PDE10A: variants seen among roughly 807,000 people sequenced by gnomAD.
PDE10A encodes the protein phosphodiesterase 10A, also known as cAMP and cAMP-inhibited cGMP 3',5'-cyclic phosphodiesterase 10A.
Under a neutral mutation model 97.7 loss-of-function variants are expected in PDE10A, and 39 were observed. The observed-to-expected ratio is 0.40, with a 90% CI of 0.31 to 0.52. PDE10A has a LOEUF of 0.52. Ranked by LOEUF, PDE10A falls within the 20% of genes least tolerant of loss-of-function variation. The probability of loss-of-function intolerance (pLI) is 0.56; values close to 1 mark genes in which losing one functional copy is unlikely to be tolerated. For synonymous variants in PDE10A, 371 were observed against 376.8 expected (o/e 0.98, Z 0.18); for missense variants, 731 against 1,047.8 (o/e 0.70, Z 4.17).
chr6:165,593,309 G>GT (rs965485203), intron 1 of PDE10A, among the ~76,000 whole-genome samples: 1 of 152,144 alleles, frequency 6.6e-6, no homozygotes, highest in African/African-American at 2.4e-5. Context: ...TGGGGTGGGG[G>GT]TTAAGGGAGA....
intron 3 of PDE10A, among the ~76,000 whole-genome samples, chr6:165,456,173 C>A (rs1388045270): frequency 6.6e-6 from 1 of 152,100 alleles, no homozygotes; most frequent in African/African-American, 2.4e-5. Flanking sequence ...TTCTTTACCC[C>A]ACAGTCTTTA....
At chr6:165,857,279 A>G (rs1332829546) in intron 1 of PDE10A, among the ~76,000 whole-genome samples, 1 of 152,150 alleles carries the variant, frequency 6.6e-6, no homozygotes, top group Non-Finnish European at 1.5e-5. Context: ...TTTGACCCGG[A>G]CCTGAACCCC....
At chr6:165,610,547 A>G (rs1032565442) in intron 1 of PDE10A, among the ~76,000 whole-genome samples, 11 of 151,952 alleles carry the variant, frequency 7.2e-5, no homozygotes, top group Middle Eastern at 3.4e-3. Context: ...AAAAAAAAAA[A>G]AAGAAAGAAA....
chr6:165,402,152 A>C (rs2128221205), intron 13 of PDE10A, among the ~76,000 whole-genome samples: 1 of 152,278 alleles, frequency 6.6e-6, no homozygotes, highest in South Asian at 2.1e-4. Flanking sequence ...AACTTCTACA[A>C]GATAGTTATT....
intron 1 of PDE10A, among the ~76,000 whole-genome samples, chr6:165,758,569 A>G (rs559395495): frequency 1.2e-4 from 18 of 151,034 alleles, no homozygotes; most frequent in East Asian, 3.9e-4. Context: ...AAGAGGAAGA[A>G]GAAGAGGAAG....
At chr6:165,433,973 A>C (rs1367353061) in intron 6 of PDE10A, among the ~76,000 whole-genome samples, 1 of 144,422 alleles carries the variant, frequency 6.9e-6, no homozygotes, top group African/African-American at 2.7e-5. Flanking sequence ...GCCGAGATCA[A>C]GCCACTGCAC....
chr6:165,491,826 C>T (rs564328238), intron 2 of PDE10A, among the ~76,000 whole-genome samples: 1 of 151,792 alleles, frequency 6.6e-6, no homozygotes, highest in East Asian at 1.9e-4. Flanking sequence ...CAAAACAAAC[C>T]CAAACCCAGC....
chr6:165,479,486 T>C (rs1366951610), intron 3 of PDE10A, among the ~76,000 whole-genome samples: 2 of 152,204 alleles, frequency 1.3e-5, no homozygotes, highest in African/African-American at 4.8e-5. Flanking sequence ...ATTTCACTTA[T>C]GAAATTAACC....
chr6:165,336,591 T>C (rs1781663328), intron 20 of PDE10A, among the ~76,000 whole-genome samples: 1 of 146,912 alleles, frequency 6.8e-6, no homozygotes, highest in South Asian at 2.2e-4. Flanking sequence ...CTACTAAAAA[T>C]ACAAAAAATT....
chr6:165,940,285 T>A (rs1031732069), intron 1 of PDE10A: 1 of 152,268 alleles, frequency 6.6e-6, no homozygotes, highest in African/African-American at 2.4e-5. Flanking sequence ...CAGACAGGGT[T>A]GGCCCAAATA....
chr6:165,958,507 AAG>A (rs1338438838), intron 1 of PDE10A, among the ~76,000 whole-genome samples: 1 of 8,316 alleles, frequency 1.2e-4, no homozygotes, highest in Non-Finnish European at 2.0e-4. Context: ...ACAAGAAAGA[AAG>A]AAAGAAAGAA....
At chr6:165,798,646 A>T (rs1408268026) in intron 1 of PDE10A, among the ~76,000 whole-genome samples, 1 of 152,140 alleles carries the variant, frequency 6.6e-6, no homozygotes, top group Non-Finnish European at 1.5e-5. Context: ...AAAAATCTGG[A>T]AATCTTCACA....
chr6:165,405,228 G>T (rs1240291381), intron 13 of PDE10A, among the ~76,000 whole-genome samples: 2 of 152,128 alleles, frequency 1.3e-5, no homozygotes, highest in African/African-American at 2.4e-5. Flanking sequence ...GTGTCCTAAG[G>T]TAGGAATACT....
chr6:165,643,792 G>T (rs901727044), intron 1 of PDE10A, among the ~76,000 whole-genome samples: 1 of 152,050 alleles, frequency 6.6e-6, no homozygotes, highest in Non-Finnish European at 1.5e-5. Context: ...TGGTTACCAT[G>T]GTTAATAATG....
intron 13 of PDE10A, among the ~76,000 whole-genome samples, chr6:165,400,250 A>G (rs1054274446): frequency 6.6e-6 from 1 of 152,050 alleles, no homozygotes; most frequent in Non-Finnish European, 1.5e-5. Flanking sequence ...AAAAAAAAAC[A>G]GAGGAGAAAT....
At chr6:165,777,152 C>T (rs1240492104) in intron 1 of PDE10A, among the ~76,000 whole-genome samples, 1 of 152,142 alleles carries the variant, frequency 6.6e-6, no homozygotes, top group Non-Finnish European at 1.5e-5. Flanking sequence ...CTTTGCTCTG[C>T]GGGGCTGGCA....
intron 1 of PDE10A, among the ~76,000 whole-genome samples, chr6:165,614,978 G>A (rs972235986): frequency 6.6e-6 from 1 of 152,088 alleles, no homozygotes; most frequent in African/African-American, 2.4e-5. Flanking sequence ...CTGTGAGGCC[G>A]AGGCGGGCAG....
chr6:165,568,165 AT>A (rs967588431), intron 1 of PDE10A, among the ~76,000 whole-genome samples: 6 of 151,606 alleles, frequency 4.0e-5, no homozygotes, highest in Admixed American at 2.0e-4. Flanking sequence ...CGCCTGGCTA[AT>A]TTTTTTGTAT....
intron 3 of PDE10A, among the ~76,000 whole-genome samples, chr6:165,456,654 A>C (rs2128253965): frequency 6.6e-6 from 1 of 152,346 alleles, no homozygotes; most frequent in African/African-American, 2.4e-5. Flanking sequence ...TTGTATAATA[A>C]GAAGGCTGAA....
Sources: gnomAD v4.1 joint callset for allele counts (sites outside exome capture counted in the v4.1 genomes callset) on GRCh38, gnomAD v4.1.1 for gene constraint, MANE v1.5 for transcripts, NCBI Gene and HGNC (gene_info 2026-07-23, HGNC 2026-07-21) for gene names.